Variants in THEM6 observed in about 807,000 individuals in gnomAD.
The protein encoded by THEM6 is protein THEM6.
Under a neutral mutation model 13.7 loss-of-function variants are expected in THEM6, and 10 were observed. The ratio of observed to expected loss-of-function variants is 0.73; its 90% confidence interval spans 0.45 to 1.24. THEM6 has a LOEUF of 1.24. Among genes scored for constraint, THEM6 ranks in the 50% most tolerant of loss-of-function variants. THEM6 has a pLI of 0.00. For missense variants in THEM6, 317 were observed against 312.6 expected, an observed-to-expected ratio of 1.01 and a Z score of -0.11; for synonymous variants, 161 against 156.0, an observed-to-expected ratio of 1.03 and a Z score of -0.24.
chr8:142,728,333 G>A (rs587723655), intron 1 of THEM6, among the ~76,000 whole-genome samples: 1 of 152,224 alleles, frequency 6.6e-6, no homozygotes, highest in Non-Finnish European at 1.5e-5. Flanking sequence ...ACCTGGGTTT[G>A]GGGTTGAGGT....
intron 1 of THEM6, 38 bp downstream of exon 1, chr8:142,727,897 T>A: frequency 7.3e-7 from 1 of 1,377,740 alleles, no homozygotes; most frequent in Non-Finnish European, 9.3e-7. Context: ...AGCACGGCCT[T>A]TGTGGGACCT....
chr8:142,728,935 TTC>T (rs1464849646), intron 1 of THEM6, among the ~76,000 whole-genome samples: 5 of 135,966 alleles, frequency 3.7e-5, no homozygotes, highest in African/African-American at 1.2e-4. Context: ...TATTACTATT[TTC>T]TTTTTTTTTT....
intron 1 of THEM6, chr8:142,735,082 C>T (rs901455951): frequency 2.0e-5 from 10 of 490,202 alleles, no homozygotes; most frequent in South Asian, 1.4e-4. Context: ...GCCAACTTCA[C>T]GGGTTTCTGG....
chr8:142,730,888 G>A (rs1815633462), intron 1 of THEM6, among the ~76,000 whole-genome samples: 1 of 151,988 alleles, frequency 6.6e-6, no homozygotes, highest in Admixed American at 6.6e-5. Context: ...GGGACTACAG[G>A]CGCCCGCCAC....
chr8:142,730,600 G>T (rs1384262787), intron 1 of THEM6, among the ~76,000 whole-genome samples: 2 of 152,158 alleles, frequency 1.3e-5, no homozygotes, highest in Non-Finnish European at 2.9e-5. Flanking sequence ...GACATGAGGG[G>T]CCTTGTGACT....
At chr8:142,731,002 T>C (rs1244224063) in intron 1 of THEM6, among the ~76,000 whole-genome samples, 2 of 152,158 alleles carry the variant, frequency 1.3e-5, no homozygotes, top group Non-Finnish European at 2.9e-5. Flanking sequence ...GCCTCAGCCT[T>C]CCAAAGTGCT....
chr8:142,729,065 C>A (rs587769758), intron 1 of THEM6, among the ~76,000 whole-genome samples: 53 of 152,018 alleles, frequency 3.5e-4, no homozygotes, highest in Non-Finnish European at 7.5e-4. Flanking sequence ...TCAGCCTCCC[C>A]ACTAGCTGGG....
At position 142,735,529 on chromosome 8, in the gene THEM6, T is replaced by C; in HGVS notation, c.*90T>C. On this transcript the variant is annotated 3_prime_UTR_variant, in exon 2 of 2. Transcript: ENST00000336138. ...AGTCTCAGCCATACTCTGTTCCAGCTGGAGTAGCCTCCTGACCAGCCTGGC... is the reference window on the plus strand; with the variant it reads ...AGTCTCAGCCATACTCTGTTCCAGCCGGAGTAGCCTCCTGACCAGCCTGGC... The C allele has an allele frequency of 1.9e-6, 2 of 1,032,898 alleles. No homozygotes were observed. Among genetic ancestry groups the C allele is most frequent in the Non-Finnish European group, 2.9e-6 (2 of 688,264 alleles). 64.0% of individuals were successfully genotyped at this position (1,032,898 alleles called of 1,614,324 possible).
At position 142,727,533 on chromosome 8, in the gene THEM6, C is replaced by T. The variant is rs2585138; in HGVS notation, c.187C>T (p.Leu63=). The T allele has an allele frequency of 0.47, 745,081 of 1,571,086 alleles. 178,937 individuals are homozygous for T. Among genetic ancestry groups the T allele is most frequent in the African/African-American group, 0.61 (44,175 of 71,944 alleles). ...GCTGCCCTCGGACTTGGACCTGCTG[C>T]TGCACATGAACAACGCGCGCTACCT... The part of the protein sequence containing the change: ...RVLPSDLDLL[L]HMNNARYLRE... The change falls in exon 1 of 2, where the codon CTG becomes TTG. Residue 63 remains leucine (L), a synonymous_variant. Transcript: ENST00000336138.
chr8:142,727,288 C>G lies in THEM6; in HGVS notation c.-59C>G. The G allele has an allele frequency of 7.1e-7, 1 of 1,404,502 alleles. No individual in the cohort carries two copies. Among genetic ancestry groups the G allele is most frequent in the Non-Finnish European group, 9.2e-7 (1 of 1,087,052 alleles). 87.0% of individuals were successfully genotyped at this position (1,404,502 alleles called of 1,614,324 possible). On this transcript the variant is annotated 5_prime_UTR_variant, in exon 1 of 2. Coordinates refer to ENST00000336138, the MANE Select transcript of THEM6 (RefSeq NM_016647.3). ...GCCTGGCGGGCACCGTAACCAGCGC[C>G]GCGGACACCGGCACCGGCGCCACGG...
Position 142,727,516 on chromosome 8 carries a change from C to CG in THEM6, c.172dup (p.Asp58GlyfsTer119). 6.3e-7 allele frequency: 1 copy of CG among 1,579,268 alleles called. No individual in the cohort carries two copies. Among genetic ancestry groups the CG allele is most frequent in the Non-Finnish European group, 8.5e-7 (1 of 1,171,048 alleles). On this transcript the variant is annotated frameshift_variant, in exon 1 of 2. Coordinates refer to ENST00000336138, the MANE Select transcript of THEM6 (RefSeq NM_016647.3). LOFTEE classifies it high-confidence loss of function. The stretch of plus-strand genomic sequence containing the variant: ...CGCTTCCCGGGCCGCGTGCTGCCCT[C>CG]GGACTTGGACCTGCTGCTGCACATG...
At position 142,735,738 on chromosome 8, in the gene THEM6, G is replaced by C; in HGVS notation, c.*299G>C. On this transcript the variant is annotated 3_prime_UTR_variant, in exon 2 of 2. Transcript: ENST00000336138. ...GAGGCCACTCATGTGGGCCTAGGTA[G>C]GGGAGGATGGTGCCTGGAGCAGAGG... The C allele has an allele frequency of 2.7e-6, 1 of 373,276 alleles. No homozygotes were observed. Among genetic ancestry groups the C allele is most frequent in the Non-Finnish European group, 5.1e-6 (1 of 196,472 alleles). The allele number at this position is 373,276 out of a possible 1,614,324, so 23.1% of individuals were successfully genotyped here.
Sources: allele counts gnomAD v4.1 joint callset (sites outside exome capture counted in the v4.1 genomes callset), GRCh38; gene constraint gnomAD v4.1.1; transcripts MANE v1.5; gene names NCBI Gene and HGNC (gene_info 2026-07-23, HGNC 2026-07-21).